The following MDGA2 variants were observed in gnomAD, a reference collection of about 807,000 sequenced individuals.
MDGA2 encodes MAM domain-containing glycosylphosphatidylinositol anchor protein 2.
Under a neutral mutation model 117.8 loss-of-function variants are expected in MDGA2, and 40 were observed. That is an observed-to-expected ratio of 0.34 (90% confidence interval 0.26 to 0.44). The LOEUF is 0.44. Ranked by LOEUF, MDGA2 falls within the 20% of genes least tolerant of loss-of-function variation. The pLI is 1.00. For missense variants in MDGA2, 1,123 were observed against 1,250.6 expected (o/e 0.90, Z 1.54); for synonymous variants, 452 against 439.0 (o/e 1.03, Z -0.37).
At chr14:47,537,574 TAAAAAAAAAAAAAA>T (rs58060138) in intron 1 of MDGA2, among the ~76,000 whole-genome samples, 18 of 36,634 alleles carry the variant, frequency 4.9e-4, no homozygotes, top group African/African-American at 7.5e-4. Flanking sequence ...TTCTCTCTGT[TAAAAAAAAAAAAAA>T]AAAAAAAAAA....
At chr14:46,879,155 A>T (rs2138381309) in intron 11 of MDGA2, among the ~76,000 whole-genome samples, 1 of 152,238 alleles carries the variant, frequency 6.6e-6, no homozygotes, top group Admixed American at 6.5e-5. Context: ...GATTAAATTA[A>T]TCTTGGCCCC....
At chr14:47,147,871 C>T (rs1351564714) in intron 3 of MDGA2, among the ~76,000 whole-genome samples, 1 of 152,090 alleles carries the variant, frequency 6.6e-6, no homozygotes, top group African/African-American at 2.4e-5. Flanking sequence ...TGCGCTAGTA[C>T]ATTTTTTGGT....
At chr14:47,079,204 G>A (rs2138879095) in intron 6 of MDGA2, among the ~76,000 whole-genome samples, 1 of 142,998 alleles carries the variant, frequency 7.0e-6, no homozygotes, top group South Asian at 2.5e-4. Flanking sequence ...GTCATCCAAA[G>A]AAGGCATAAA....
intron 6 of MDGA2, among the ~76,000 whole-genome samples, chr14:47,089,843 C>T (rs1891043546): frequency 8.0e-6 from 1 of 124,716 alleles, no homozygotes; most frequent in Non-Finnish European, 1.6e-5. Context: ...GCCCGGCCTT[C>T]TGTTTTACTT....
intron 1 of MDGA2, among the ~76,000 whole-genome samples, chr14:47,310,570 T>G (rs1341900280): frequency 6.6e-6 from 1 of 152,108 alleles, no homozygotes; most frequent in East Asian, 1.9e-4. Context: ...TTCCTCTTCT[T>G]TGGTATGAAT....
chr14:47,256,551 G>A (rs1193726855), intron 2 of MDGA2, among the ~76,000 whole-genome samples: 1 of 152,098 alleles, frequency 6.6e-6, no homozygotes, highest in Non-Finnish European at 1.5e-5. Context: ...ATGCACGGAA[G>A]TATGCATCTT....
intron 1 of MDGA2, among the ~76,000 whole-genome samples, chr14:47,635,874 T>G (rs1047561734): frequency 2.6e-5 from 4 of 152,164 alleles, no homozygotes; most frequent in South Asian, 4.1e-4. Flanking sequence ...AAGAATAAGG[T>G]GGAAAAGTAT....
intron 14 of MDGA2, among the ~76,000 whole-genome samples, chr14:46,866,162 C>A (rs950705587): frequency 6.6e-6 from 1 of 151,988 alleles, no homozygotes; most frequent in Non-Finnish European, 1.5e-5. Context: ...CTACAGTAAC[C>A]AAAACAGCAT....
At chr14:46,906,329 T>A (rs566456168) in intron 10 of MDGA2, among the ~76,000 whole-genome samples, 1 of 152,078 alleles carries the variant, frequency 6.6e-6, no homozygotes, top group East Asian at 1.9e-4. Context: ...GTTTACTGTG[T>A]GCTACTAAAT....
At chr14:46,852,812 C>T (rs1881114403) in intron 15 of MDGA2, among the ~76,000 whole-genome samples, 1 of 151,852 alleles carries the variant, frequency 6.6e-6, no homozygotes, top group African/African-American at 2.4e-5. Flanking sequence ...AAAAGCAACA[C>T]CTAAAATAAT....
chr14:47,214,096 C>T (rs145133357), intron 3 of MDGA2, among the ~76,000 whole-genome samples: 20 of 152,170 alleles, frequency 1.3e-4, no homozygotes, highest in Non-Finnish European at 2.6e-4. Flanking sequence ...AGACCACCTG[C>T]ATGATTCAAT....
At chr14:47,310,191 T>C (rs541103297) in intron 1 of MDGA2, among the ~76,000 whole-genome samples, 3 of 152,052 alleles carry the variant, frequency 2.0e-5, no homozygotes, top group Non-Finnish European at 2.9e-5. Context: ...CCTATTAGCA[T>C]CTAAGCCTAA....
At chr14:47,279,974 G>C (rs1014137953) in intron 2 of MDGA2, among the ~76,000 whole-genome samples, 6 of 151,768 alleles carry the variant, frequency 4.0e-5, no homozygotes, top group Admixed American at 2.6e-4. Context: ...GGACTCAGGA[G>C]ATCCTGCCTC....
At chr14:47,528,473 G>C (rs767729587) in intron 1 of MDGA2, among the ~76,000 whole-genome samples, 2 of 152,144 alleles carry the variant, frequency 1.3e-5, no homozygotes, top group African/African-American at 2.4e-5. Flanking sequence ...GTTGAAACTT[G>C]TGGCAACTTT....
At chr14:47,221,014 A>C (rs1381045643) in intron 2 of MDGA2, among the ~76,000 whole-genome samples, 1 of 152,218 alleles carries the variant, frequency 6.6e-6, no homozygotes, top group Non-Finnish European at 1.5e-5. Flanking sequence ...GGATTGTGAG[A>C]AGATATAGAA....
chr14:47,551,275 C>T (rs142631262), intron 1 of MDGA2, among the ~76,000 whole-genome samples: 5 of 152,164 alleles, frequency 3.3e-5, no homozygotes, highest in African/African-American at 9.6e-5. Flanking sequence ...TATCACAGAC[C>T]AGCCTTTAAC....
rs1031043944 is a variant in MDGA2 at position 46,840,880 on chromosome 14, G to C, written c.*1051C>G. 1.3e-5 allele frequency: 2 copies of C among 152,566 alleles called. No homozygotes were observed. Among genetic ancestry groups the C allele is most frequent in the Non-Finnish European group, 2.9e-5 (2 of 68,032 alleles). The allele number at this position is 152,566 out of a possible 1,614,324, so 9.5% of individuals were successfully genotyped here. A position where few individuals can be genotyped will look rare whatever the true frequency, so the allele number is the denominator to read the frequency against. ...GTCTCAATGGAAGTGATTTTCTAAT[G>C]GACAATAAGCCGAAAGGCCATGGCT... On this transcript the variant is annotated 3_prime_UTR_variant, in exon 17 of 17. Coordinates refer to ENST00000399232, the MANE Select transcript of MDGA2 (RefSeq NM_001113498.3).
chr14:47,226,542 C>T (rs772344794), intron 2 of MDGA2, among the ~76,000 whole-genome samples: 3 of 152,108 alleles, frequency 2.0e-5, no homozygotes, highest in Non-Finnish European at 4.4e-5. Flanking sequence ...TAGTACTTCT[C>T]TTAAACAGCA....
intron 9 of MDGA2, among the ~76,000 whole-genome samples, chr14:46,924,491 A>G (rs1208564909): frequency 6.6e-6 from 1 of 152,132 alleles, no homozygotes; most frequent in Non-Finnish European, 1.5e-5. Flanking sequence ...TTTGGAAAAT[A>G]GACTGTATGA....
Sources: allele counts gnomAD v4.1 joint callset (sites outside exome capture counted in the v4.1 genomes callset), GRCh38; gene constraint gnomAD v4.1.1; transcripts MANE v1.5; gene names NCBI Gene and HGNC (gene_info 2026-07-23, HGNC 2026-07-21).